ANO3: variants seen among roughly 807,000 people sequenced by gnomAD.
The protein encoded by ANO3 is anoctamin-3.
ANO3 carries 99 observed loss-of-function variants against 144.8 expected under a neutral mutation model. The observed-to-expected ratio is 0.68, with a 90% CI of 0.58 to 0.81. The LOEUF is 0.81. Ranked by LOEUF, ANO3 falls within the 30% of genes least tolerant of loss-of-function variation. ANO3 has a pLI of 0.00. For synonymous variants in ANO3, 414 were observed against 392.6 expected (o/e 1.05, Z -0.64); for missense variants, 905 against 1,202.2 (o/e 0.75, Z 3.66).
At position 26,450,582 on chromosome 11, in the gene ANO3, A is replaced by G. The variant is rs534034518; in HGVS notation, c.313+6746A>G. Among the ~76,000 whole-genome samples the G allele has an allele frequency of 1.8e-4, 27 of 152,328 alleles. No homozygotes were observed. The South Asian group carries it at 1.9e-3, about 11-fold the overall frequency. ...AAATCATGATATTTATTGGTGGTCA[A>G]AAGGTCCAGTTTCAGGTACCAACCC... On this transcript the variant is annotated intron_variant, in intron 3 of 26. Coordinates refer to ENST00000256737, the MANE Select transcript of ANO3 (RefSeq NM_031418.4).
chr11:26,565,655 C>T (rs1028670395), intron 14 of ANO3: 3 of 1,607,848 alleles, frequency 1.9e-6, no homozygotes, highest in African/African-American at 1.3e-5. Flanking sequence ...AATGACTCGC[C>T]TTGAGATTTG....
chr11:26,441,058 T>C (rs1036291962), intron 1 of ANO3, among the ~76,000 whole-genome samples: 1 of 149,880 alleles, frequency 6.7e-6, no homozygotes. Flanking sequence ...GGGAAGTAGC[T>C]CTAACACTAA....
chr11:26,406,414 C>T (rs1370758974), intron 1 of ANO3, among the ~76,000 whole-genome samples: 2 of 151,832 alleles, frequency 1.3e-5, no homozygotes, highest in Non-Finnish European at 2.9e-5. Context: ...ATCATTCAAA[C>T]CATAGCAACC....
chr11:26,362,341 C>T (rs1200750181), intron 1 of ANO3, among the ~76,000 whole-genome samples: 4 of 152,128 alleles, frequency 2.6e-5, no homozygotes. Context: ...AGATTGGAAA[C>T]TGAAGCTCTA....
intron 3 of ANO3, among the ~76,000 whole-genome samples, chr11:26,446,882 G>A: frequency 6.6e-6 from 1 of 152,044 alleles, no homozygotes; most frequent in East Asian, 1.9e-4. Context: ...GGCCCAGAGA[G>A]ATCTACAATA....
intron 1 of ANO3, among the ~76,000 whole-genome samples, chr11:26,369,601 A>G (rs1185683582): frequency 6.6e-6 from 1 of 152,106 alleles, no homozygotes; most frequent in Admixed American, 6.6e-5. Context: ...TGCCCTTGAT[A>G]CTTCTCCAGT....
At chr11:26,327,452 C>T (rs538393733), upstream of ANO3, among the ~76,000 whole-genome samples, 13 of 152,252 alleles carry the variant, frequency 8.5e-5, no homozygotes, top group Non-Finnish European at 1.5e-4. Flanking sequence ...TATCTTCATA[C>T]AAGAAATGTC....
intron 1 of ANO3, among the ~76,000 whole-genome samples, chr11:26,225,495 G>C (rs984761025): frequency 6.6e-6 from 1 of 151,990 alleles, no homozygotes; most frequent in Non-Finnish European, 1.5e-5. Flanking sequence ...TTAGCTTCAT[G>C]CTCTCTACTA....
At position 26,634,665 on chromosome 11, in the gene ANO3, C is replaced by G. The variant is rs549503922; in HGVS notation, c.1986-348C>G. Among the ~76,000 whole-genome samples the G allele has an allele frequency of 7.2e-5, 11 of 152,268 alleles. No individual in the cohort carries two copies. The South Asian group carries it at 2.1e-3, about 29-fold the overall frequency. ...CTTTGCCATATGCTTAACACTCCAT[C>G]CAATGCCATGGAAACATACTAAAGA... is the stretch of plus-strand genomic sequence containing the variant. On this transcript the variant is annotated intron_variant, in intron 19 of 26. Transcript: ENST00000256737.
At chr11:26,634,756 C>T (rs1852895668) in intron 19 of ANO3, among the ~76,000 whole-genome samples, 1 of 152,156 alleles carries the variant, frequency 6.6e-6, no homozygotes, top group African/African-American at 2.4e-5. Flanking sequence ...GTCAACAAAA[C>T]GTTAAGACTC....
chr11:26,383,268 T>C lies in ANO3; in HGVS notation c.46+50947T>C, dbSNP rs368114524. ...ATTTTACAAGCTCTGGCCAAACCTT[T>C]TTTTTTAAACAATGAAGCTTAATTT... On this transcript the variant is annotated intron_variant, in intron 1 of 26. Transcript: ENST00000256737. Among the ~76,000 whole-genome samples the C allele has an allele frequency of 8.9e-4, 136 of 152,292 alleles. 4 individuals are homozygous for C. In the South Asian group the frequency reaches 0.026, roughly 29 times the overall value.
At chr11:26,437,970 T>C (rs1480511560) in intron 1 of ANO3, among the ~76,000 whole-genome samples, 1 of 152,204 alleles carries the variant, frequency 6.6e-6, no homozygotes. Context: ...ATTAATGGAA[T>C]TCAACATATT....
chr11:26,375,029 C>T (rs1401495619), intron 1 of ANO3, among the ~76,000 whole-genome samples: 1 of 152,218 alleles, frequency 6.6e-6, no homozygotes, highest in Non-Finnish European at 1.5e-5. Flanking sequence ...CAGGCGTGAG[C>T]CACCATGCCT....
chr11:26,308,596 A>G (rs1393258753), upstream of ANO3, among the ~76,000 whole-genome samples: 1 of 152,218 alleles, frequency 6.6e-6, no homozygotes, highest in East Asian at 1.9e-4. Context: ...TATATCATGT[A>G]TCAATTGAAT....
chr11:26,283,716 C>T (rs1048612317), intron 1 of ANO3, among the ~76,000 whole-genome samples: 1 of 151,978 alleles, frequency 6.6e-6, no homozygotes, highest in African/African-American at 2.4e-5. Context: ...ACCAACTTTC[C>T]AGGGTACTAG....
chr11:26,625,803 A>T (rs1157865757), intron 18 of ANO3, among the ~76,000 whole-genome samples: 1 of 152,136 alleles, frequency 6.6e-6, no homozygotes, highest in Non-Finnish European at 1.5e-5. Flanking sequence ...TTACTTTCAT[A>T]AACACTCTGG....
chr11:26,205,468 G>T lies in ANO3; in HGVS notation c.154+16138G>T, dbSNP rs143188814. On this transcript the variant is annotated intron_variant, in intron 1 of 27. Transcript: ENST00000672621. ...TCATTATAAAGTCCAACACAATTCT[G>T]CTCAGTTCTGAAATGTTTGATCAAG... 1.4e-3 allele frequency among the ~76,000 whole-genome samples: 209 copies of T among 152,216 alleles called. 3 individuals are homozygous for T. Among genetic ancestry groups the T allele is most frequent in the Non-Finnish European group, 2.1e-4 (14 of 68,006 alleles).
Position 26,598,221 on chromosome 11 carries a change from G to A in ANO3, c.1448-144G>A, listed in dbSNP as rs4923366. ...ACTAATTAATGATGTATAAACACAGGGAGAAGAGGAAAAGGGAAAAATAAA... is the reference window on the plus strand; with the variant it reads ...ACTAATTAATGATGTATAAACACAGAGAGAAGAGGAAAAGGGAAAAATAAA... On this transcript the variant is annotated intron_variant, in intron 14 of 26. Coordinates refer to ENST00000256737, the MANE Select transcript of ANO3 (RefSeq NM_031418.4). The A allele has an allele frequency of 0.15, 51,115 of 341,196 alleles. 4,472 individuals carry two copies. Among genetic ancestry groups the A allele is most frequent in the Middle Eastern group, 0.18 (195 of 1,106 alleles). 21.1% of individuals were successfully genotyped at this position (341,196 alleles called of 1,614,324 possible).
chr11:26,315,987 T>A (rs117396485), intron 1 of ANO3, among the ~76,000 whole-genome samples: 1 of 152,124 alleles, frequency 6.6e-6, no homozygotes, highest in Non-Finnish European at 1.5e-5. Flanking sequence ...TAAAGACCTA[T>A]CCTCTCCACT....
Sources: allele counts gnomAD v4.1 joint callset (sites outside exome capture counted in the v4.1 genomes callset), GRCh38; gene constraint gnomAD v4.1.1; transcripts MANE v1.5; gene names NCBI Gene and HGNC (gene_info 2026-07-23, HGNC 2026-07-21).